Variants in TNPO3 observed in about 807,000 individuals in gnomAD.
TNPO3 encodes the protein transportin 3, also known as transportin-3.
TNPO3 carries 65 observed loss-of-function variants against 122.8 expected under a neutral mutation model. That is an observed-to-expected ratio of 0.53 (90% CI 0.43 to 0.65). The LOEUF (loss-of-function observed/expected upper bound fraction) is 0.65, where lower values mean the gene tolerates loss of function less well. TNPO3 is among the 30% of genes least tolerant of loss of function. TNPO3 has a pLI of 0.00. For synonymous variants in TNPO3, 372 were observed against 411.2 expected, an observed-to-expected ratio of 0.90 and a Z score of 1.15; for missense variants, 850 against 1,136.7, an observed-to-expected ratio of 0.75 and a Z score of 3.63.
At chr7:129,014,732 A>T (rs569044698) in intron 4 of TNPO3, among the ~76,000 whole-genome samples, 8 of 152,210 alleles carry the variant, frequency 5.3e-5, no homozygotes, top group Non-Finnish European at 1.2e-4. Context: ...CTGAATTAAC[A>T]GTTGTGTAAC....
At chr7:129,043,667 A>G (rs1259861536) in intron 1 of TNPO3, among the ~76,000 whole-genome samples, 1 of 152,192 alleles carries the variant, frequency 6.6e-6, no homozygotes, top group Non-Finnish European at 1.5e-5. Flanking sequence ...ATAATCCTCA[A>G]TTACCTATGA....
chr7:129,020,883 T>TA (rs1444763307), intron 1 of TNPO3, among the ~76,000 whole-genome samples: 2 of 152,004 alleles, frequency 1.3e-5, no homozygotes, highest in Non-Finnish European at 2.9e-5. Context: ...CCCCAAAATA[T>TA]AAGTGGAAGG....
intron 19 of TNPO3, among the ~76,000 whole-genome samples, chr7:128,971,722 T>C (rs991533908): frequency 6.6e-5 from 10 of 152,228 alleles, no homozygotes; most frequent in Non-Finnish European, 2.9e-5. Context: ...TATTCTGACT[T>C]GCTCTGATCT....
intron 8 of TNPO3, among the ~76,000 whole-genome samples, chr7:128,994,968 T>C (rs1801154066): frequency 6.6e-6 from 1 of 152,188 alleles, no homozygotes; most frequent in Non-Finnish European, 1.5e-5. Flanking sequence ...CAGTTAATTT[T>C]TAAAATTTTT....
upstream of TNPO3, chr7:129,055,901 A>G: frequency 3.3e-6 from 2 of 610,814 alleles, no homozygotes; most frequent in Non-Finnish European, 6.0e-6. Context: ...AAATGATCAC[A>G]ATGTGTAAAA....
chr7:129,014,788 G>A (rs1409452351), intron 4 of TNPO3, among the ~76,000 whole-genome samples, 191 bp downstream of exon 4: 2 of 152,146 alleles, frequency 1.3e-5, no homozygotes, highest in Non-Finnish European at 2.9e-5. Context: ...GTCACCTTTA[G>A]AGGATTATAC....
chr7:129,040,237 A>G (rs1016677058), intron 1 of TNPO3, among the ~76,000 whole-genome samples: 11 of 149,856 alleles, frequency 7.3e-5, no homozygotes, highest in Non-Finnish European at 1.3e-4. Flanking sequence ...CCTGGGCAAC[A>G]GGGCGAGACG....
chr7:128,996,567 C>G (rs1801340592), intron 8 of TNPO3, among the ~76,000 whole-genome samples: 1 of 151,820 alleles, frequency 6.6e-6, no homozygotes, highest in South Asian at 2.1e-4. Context: ...CACGGTGAAA[C>G]CCCATCTCTA....
chr7:129,027,558 C>CAAAAAAAAAAAAAAAAAAAA (rs71162549), intron 1 of TNPO3, among the ~76,000 whole-genome samples: 1 of 8,972 alleles, frequency 1.1e-4, no homozygotes, highest in Non-Finnish European at 1.8e-4. Flanking sequence ...AAGACTGTCT[C>CAAAAAAAAAAAAAAAAAAAA]AAAAAAAAAA....
chr7:129,050,350 C>T (rs1357045227), intron 1 of TNPO3, among the ~76,000 whole-genome samples: 3 of 137,822 alleles, frequency 2.2e-5, no homozygotes, highest in Non-Finnish European at 1.5e-5. Context: ...CGCCACTGCA[C>T]TCCAGCCTGG....
intron 1 of TNPO3, among the ~76,000 whole-genome samples, chr7:129,040,194 G>A (rs1483561302): frequency 6.6e-6 from 1 of 151,490 alleles, no homozygotes; most frequent in Non-Finnish European, 1.5e-5. Context: ...GGCAGATGTT[G>A]CAGTGAGCCA....
chr7:129,055,687 A>T, upstream of TNPO3: 1 of 203,886 alleles, frequency 4.9e-6, no homozygotes, highest in Non-Finnish European at 1.0e-5. Context: ...CATTTTGCAT[A>T]CATCTTTAGG....
chr7:128,976,197 A>G (rs1799042687), intron 16 of TNPO3, among the ~76,000 whole-genome samples: 1 of 152,136 alleles, frequency 6.6e-6, no homozygotes, highest in South Asian at 2.1e-4. Context: ...CTATCAGGGA[A>G]CTCATGGATT....
chr7:129,050,612 A>G (rs573099115), intron 1 of TNPO3, among the ~76,000 whole-genome samples: 1 of 152,262 alleles, frequency 6.6e-6, no homozygotes, highest in African/African-American at 2.4e-5. Flanking sequence ...GGACTCTTAG[A>G]CAACAGACTC....
chr7:129,001,012 C>T, intron 6 of TNPO3, 47 bp downstream of exon 6: 1 of 1,588,086 alleles, frequency 6.3e-7, no homozygotes, highest in Non-Finnish European at 8.6e-7. Context: ...AAAAGAATGA[C>T]CAGACTGTAG....
chr7:129,009,074 C>T (rs1388492577), intron 4 of TNPO3, among the ~76,000 whole-genome samples: 2 of 152,152 alleles, frequency 1.3e-5, no homozygotes, highest in Admixed American at 1.3e-4. Context: ...CTCTTAAAGT[C>T]CTCAAAAGCT....
chr7:128,981,772 C>T (rs895482481), intron 14 of TNPO3, among the ~76,000 whole-genome samples: 11 of 151,394 alleles, frequency 7.3e-5, no homozygotes, highest in Admixed American at 1.3e-4. Flanking sequence ...TCTGTCACCC[C>T]GGCTAGAGTG....
At position 128,990,268 on chromosome 7, in the gene TNPO3, G is replaced by C. The variant is rs1800617873; in HGVS notation, c.1359-168C>G. ...GAAAGATTTTCAAATCTTCAAAAAA[G>C]AGGAAAAGATAGAAATGAAAGATAT... On this transcript the variant is annotated intron_variant, in intron 10 of 22. Coordinates refer to ENST00000265388, the MANE Select transcript of TNPO3 (RefSeq NM_012470.4). 3 of 755,196 alleles carry C rather than the reference G, an allele frequency of 4.0e-6. No homozygotes were observed. The Admixed American group carries it at 6.6e-5, about 17-fold the overall frequency. The allele number at this position is 755,196 out of a possible 1,614,324, so 46.8% of individuals were successfully genotyped here.
chr7:129,053,559 G>C (rs1253165929), intron 1 of TNPO3, among the ~76,000 whole-genome samples: 1 of 148,774 alleles, frequency 6.7e-6, no homozygotes, highest in Non-Finnish European at 1.5e-5. Context: ...AAAAGTCAAA[G>C]TTGCAAATTT....
Sources: allele counts gnomAD v4.1 joint callset (sites outside exome capture counted in the v4.1 genomes callset), GRCh38; gene constraint gnomAD v4.1.1; transcripts MANE v1.5; gene names NCBI Gene and HGNC (gene_info 2026-07-23, HGNC 2026-07-21).